The following PTPRD variants were observed in gnomAD, a reference collection of about 807,000 sequenced individuals.
PTPRD encodes the protein receptor-type tyrosine-protein phosphatase delta.
Under a neutral mutation model 214.5 loss-of-function variants are expected in PTPRD, and 34 were observed. That is an observed-to-expected ratio of 0.16 (90% CI 0.12 to 0.21). The LOEUF is 0.21. Ranked by LOEUF, PTPRD falls within the 10% of genes least tolerant of loss-of-function variation. The pLI is 1.00. For synonymous variants in PTPRD, 1,128 were observed against 845.7 expected (o/e 1.33, Z -5.79); for missense variants, 2,545 against 2,398.7 (o/e 1.06, Z -1.27).
intron 11 of PTPRD, among the ~76,000 whole-genome samples, chr9:8,810,346 C>G (rs964157153): frequency 1.3e-5 from 2 of 152,160 alleles, no homozygotes; most frequent in Non-Finnish European, 2.9e-5. Flanking sequence ...CTCCCTCCTG[C>G]TTGGTTACCT....
intron 11 of PTPRD, among the ~76,000 whole-genome samples, chr9:8,894,557 G>T (rs376371086): frequency 6.6e-6 from 1 of 152,010 alleles, no homozygotes; most frequent in African/African-American, 2.4e-5. Context: ...TATAGATGTG[G>T]TCATACATGA....
intron 3 of PTPRD, among the ~76,000 whole-genome samples, chr9:10,190,231 G>C (rs2099356681): frequency 6.6e-6 from 1 of 150,866 alleles, no homozygotes. Flanking sequence ...GCAGGGTGTG[G>C]TGCAGTGGTC....
intron 14 of PTPRD, among the ~76,000 whole-genome samples, chr9:8,632,063 C>T (rs376513504): frequency 2.7e-4 from 41 of 151,444 alleles, no homozygotes; most frequent in African/African-American, 7.7e-4. Flanking sequence ...CTATTTCAAA[C>T]GTAATTAAGG....
At chr9:8,449,703 T>C in intron 34 of PTPRD, 22 bp downstream of exon 34, 2 of 1,601,412 alleles carry the variant, frequency 1.2e-6, no homozygotes, top group Non-Finnish European at 1.7e-6. Context: ...TGTGTGTGGA[T>C]TAGATGTGTG....
chr9:8,597,627 A>C (rs1564614160), intron 14 of PTPRD, among the ~76,000 whole-genome samples: 1 of 152,202 alleles, frequency 6.6e-6, no homozygotes, highest in Non-Finnish European at 1.5e-5. Context: ...CAGATTTCTG[A>C]ACACTTTTTG....
At chr9:10,210,774 T>C (rs2099512393) in intron 3 of PTPRD, among the ~76,000 whole-genome samples, 1 of 135,606 alleles carries the variant, frequency 7.4e-6, no homozygotes, top group Non-Finnish European at 1.6e-5. Flanking sequence ...ATAATGTTTA[T>C]ATATATAAAA....
chr9:8,761,509 G>GCTATC, intron 11 of PTPRD, among the ~76,000 whole-genome samples: 1 of 152,282 alleles, frequency 6.6e-6, no homozygotes, highest in Non-Finnish European at 1.5e-5. Context: ...AGAATTGGAG[G>GCTATC]ATAGATGCTT....
intron 39 of PTPRD, among the ~76,000 whole-genome samples, chr9:8,365,094 A>AC (rs2079482293): frequency 6.6e-6 from 1 of 152,022 alleles, no homozygotes; most frequent in African/African-American, 2.4e-5. Context: ...AAAGCTGTCA[A>AC]CCTCATTGGC....
At chr9:10,182,656 G>A (rs1165867220) in intron 3 of PTPRD, among the ~76,000 whole-genome samples, 1 of 152,116 alleles carries the variant, frequency 6.6e-6, no homozygotes, top group African/African-American at 2.4e-5. Flanking sequence ...TAAATAAATG[G>A]ACAGTAAAAC....
chr9:9,124,516 A>G (rs1592021013), intron 10 of PTPRD, among the ~76,000 whole-genome samples: 2 of 152,192 alleles, frequency 1.3e-5, no homozygotes, highest in Non-Finnish European at 2.9e-5. Flanking sequence ...TGCTTTCAAG[A>G]CAATTATAAG....
At chr9:8,808,462 CTTTTTTTTTTTT>C (rs34627797) in intron 11 of PTPRD, among the ~76,000 whole-genome samples, 3 of 98,816 alleles carry the variant, frequency 3.0e-5, no homozygotes, top group South Asian at 3.9e-4. Context: ...AGCCCCCCAC[CTTTTTTTTTTTT>C]TTTTTTTTTT....
At chr9:8,557,252 AC>A (rs2084132586) in intron 14 of PTPRD, among the ~76,000 whole-genome samples, 1 of 151,974 alleles carries the variant, frequency 6.6e-6, no homozygotes, top group Non-Finnish European at 1.5e-5. Flanking sequence ...AACGGTCATT[AC>A]TAATGAGAGC....
intron 14 of PTPRD, among the ~76,000 whole-genome samples, chr9:8,606,125 T>C (rs551902351): frequency 3.9e-5 from 6 of 152,154 alleles, no homozygotes; most frequent in African/African-American, 1.4e-4. Flanking sequence ...TGAAGGCATG[T>C]CTCCAGGAAT....
intron 5 of PTPRD, among the ~76,000 whole-genome samples, chr9:9,855,866 C>G (rs117642348): frequency 0.019 from 2,832 of 152,304 alleles, 33 homozygotes; most frequent in South Asian, 0.035. Context: ...GCTTTAAGCG[C>G]TAGCAGCTCA....
chr9:10,423,076 C>A (rs1021291251), intron 2 of PTPRD, among the ~76,000 whole-genome samples: 2 of 152,032 alleles, frequency 1.3e-5, no homozygotes, highest in African/African-American at 4.8e-5. Context: ...CAATGATAGA[C>A]TGGATTAAGA....
At chr9:10,489,270 G>C (rs1237835309) in intron 2 of PTPRD, among the ~76,000 whole-genome samples, 1 of 152,136 alleles carries the variant, frequency 6.6e-6, no homozygotes, top group Non-Finnish European at 1.5e-5. Context: ...CTAGGGCCTG[G>C]AAAGGGGACC....
At chr9:8,701,669 T>C (rs2098087514) in intron 12 of PTPRD, 1 of 152,100 alleles carries the variant, frequency 6.6e-6, no homozygotes, top group African/African-American at 2.4e-5. Flanking sequence ...CCCAAAGATT[T>C]TGTGCCATTT....
At chr9:10,261,088 T>C (rs2093670729) in intron 3 of PTPRD, among the ~76,000 whole-genome samples, 1 of 147,584 alleles carries the variant, frequency 6.8e-6, no homozygotes, top group Non-Finnish European at 1.5e-5. Context: ...TGTGTATATA[T>C]ATATATATAG....
chr9:8,691,396 G>GAAAAA (rs58521011), intron 12 of PTPRD, among the ~76,000 whole-genome samples: 1 of 113,648 alleles, frequency 8.8e-6, no homozygotes, highest in Non-Finnish European at 2.0e-5. Context: ...CTTCTCTAGA[G>GAAAAA]AAAAAAAAAA....
Sources: gnomAD v4.1 joint callset for allele counts (sites outside exome capture counted in the v4.1 genomes callset) on GRCh38, gnomAD v4.1.1 for gene constraint, MANE v1.5 for transcripts, NCBI Gene and HGNC (gene_info 2026-07-23, HGNC 2026-07-21) for gene names.